Variants in TCEA3 observed in about 807,000 individuals in gnomAD.
The protein encoded by TCEA3 is transcription elongation factor A3, also known as transcription elongation factor A protein 3.
Under a neutral mutation model 44.0 loss-of-function variants are expected in TCEA3, and 36 were observed. The ratio of observed to expected loss-of-function variants is 0.82; its 90% CI spans 0.63 to 1.08. The LOEUF is 1.08. Among genes scored for constraint, TCEA3 ranks in the 50% least tolerant of loss-of-function variants. TCEA3 has a pLI of 0.00. For missense variants in TCEA3, 392 were observed against 441.2 expected (o/e 0.89, Z 1.00); for synonymous variants, 162 against 159.7 (o/e 1.01, Z -0.11).
At chr1:23,392,818 C>T (rs529635497) in intron 8 of TCEA3, among the ~76,000 whole-genome samples, 2 of 152,164 alleles carry the variant, frequency 1.3e-5, no homozygotes, top group South Asian at 4.2e-4. Context: ...ATCATATATA[C>T]CAGTGGTCCC....
In TCEA3 at chr1:23,407,161, T is replaced by C. The variant is rs1787651; in HGVS notation, c.443+1503A>G. Among the ~76,000 whole-genome samples, 119 of 152,318 alleles carry C rather than the reference T, an allele frequency of 7.8e-4. 1 individual carries two copies. The highest frequency in any genetic ancestry group is 2.7e-3 in the African/African-American group (114 of 41,578). On this transcript the variant is annotated intron_variant, in intron 5 of 10. Coordinates refer to ENST00000450454, the MANE Select transcript of TCEA3 (RefSeq NM_003196.3). The stretch of plus-strand genomic sequence containing the variant: ...GCTCAAGTGAAAAATCTTGGACTCA[T>C]CCCTGACTCCTCTGTTTCTCTCATT...
At chr1:23,420,609 G>A (rs1640033776) in intron 1 of TCEA3, among the ~76,000 whole-genome samples, 1 of 152,200 alleles carries the variant, frequency 6.6e-6, no homozygotes, top group Non-Finnish European at 1.5e-5. Context: ...GTTTGGGGCT[G>A]CTAGAAATAA....
Position 23,384,420 on chromosome 1 carries a change from G to T in TCEA3, c.967-3C>A, listed in dbSNP as rs775215191. The T allele has an allele frequency of 6.8e-6, 11 of 1,611,104 alleles. No individual in the cohort carries two copies. The highest frequency in any genetic ancestry group is 6.7e-5 in the East Asian group (3 of 44,828). ...TCATCAGCACTGCGTGTCTGCACCT[G>T]AGAGAGAGAAGAACCACTCATGAAG... On this transcript the variant is annotated splice_region_variant and splice_polypyrimidine_tract_variant and intron_variant, in intron 9 of 10. Coordinates refer to ENST00000450454, the MANE Select transcript of TCEA3 (RefSeq NM_003196.3).
intron 10 of TCEA3, 101 bp downstream of exon 10, chr1:23,384,245 C>G: frequency 6.3e-7 from 1 of 1,599,624 alleles, no homozygotes; most frequent in East Asian, 2.2e-5. Context: ...CTGGCAAGTG[C>G]TGCCATGCAC....
chr1:23,408,691 G>C lies in TCEA3; in HGVS notation c.416C>G (p.Ser139Cys), dbSNP rs957492135. The change falls in exon 5 of 11, where the codon TCC becomes TGC. Residue 139 changes from serine to cysteine, a missense_variant. By Grantham distance (112) the Ser-to-Cys change is moderately radical. Coordinates refer to ENST00000450454, the MANE Select transcript of TCEA3 (RefSeq NM_003196.3). ...DSVDSKSSAS[S>C]SPKRPSVERS... Reference sequence around the variant, plus strand: ...TTCCACCGATGGTCTTTTTGGAGAGGAGGAGGCAGAAGACTTGGAGTCCAC... The same window carrying C: ...TTCCACCGATGGTCTTTTTGGAGAGCAGGAGGCAGAAGACTTGGAGTCCAC... The C allele has an allele frequency of 6.2e-7, 1 of 1,611,774 alleles. No homozygotes were observed. The highest frequency in any genetic ancestry group is 1.7e-5 in the Admixed American group (1 of 59,726).
Position 23,417,317 on chromosome 1 carries a change from C to T in TCEA3, c.312G>A (p.Glu104=). Residue 104 remains glutamate (E), a synonymous_variant, in exon 4 of 11, where the codon GAG becomes GAA. Transcript: ENST00000450454. ...CTGCTTCTGGCTTCCAGTCTGAACA[C>T]TCAAGCCCTTTTTCCTTCTTCTTTG... The part of the protein sequence containing the change: ...EKAKKKEKGL[E]CSDWKPEAGL... 6.2e-7 allele frequency: 1 copy of T among 1,614,046 alleles called. No individual in the cohort carries two copies. Among genetic ancestry groups the T allele is most frequent in the Non-Finnish European group, 8.5e-7 (1 of 1,179,884 alleles).
At chr1:23,384,889 T>C (rs1472204302) in intron 9 of TCEA3, among the ~76,000 whole-genome samples, 1 of 152,050 alleles carries the variant, frequency 6.6e-6, no homozygotes, top group African/African-American at 2.4e-5. Context: ...CAGACCTCTC[T>C]TCTCTTGCCT....
At position 23,398,870 on chromosome 1, in the gene TCEA3, C is replaced by A. The variant is rs150325564; in HGVS notation, c.444-915G>T. Among the ~76,000 whole-genome samples the A allele has an allele frequency of 2.2e-4, 33 of 151,970 alleles. 1 individual carries two copies. The highest frequency in any genetic ancestry group is 7.2e-4 in the African/African-American group (30 of 41,478). ...ACAGCCTTGACCTCCTGGGCTCAGG[C>A]AATCCTCCCACCTTAGCCTCCAAGG... On this transcript the variant is annotated intron_variant, in intron 5 of 10. Coordinates refer to ENST00000450454, the MANE Select transcript of TCEA3 (RefSeq NM_003196.3).
chr1:23,397,990 TAA>T (rs751679524), intron 5 of TCEA3, 35 bp from the exon 6 acceptor site: 1 of 1,608,538 alleles, frequency 6.2e-7, no homozygotes, highest in African/African-American at 1.3e-5. Context: ...CATTTGACAT[TAA>T]GAGAGTAAAG....
chr1:23,399,176 A>ATATATC (rs1392964847), intron 5 of TCEA3, among the ~76,000 whole-genome samples: 1 of 141,918 alleles, frequency 7.0e-6, no homozygotes, highest in Admixed American at 7.1e-5. Context: ...ATATATATAT[A>ATATATC]TATCCATATG....
chr1:23,422,878 G>C (rs889459164), intron 1 of TCEA3, among the ~76,000 whole-genome samples: 1 of 152,162 alleles, frequency 6.6e-6, no homozygotes, highest in Admixed American at 6.5e-5. Flanking sequence ...GGCAGGTCCC[G>C]TCCTCTTCAG....
intron 8 of TCEA3, among the ~76,000 whole-genome samples, chr1:23,389,206 G>T (rs1455960602): frequency 6.6e-6 from 1 of 152,052 alleles, no homozygotes; most frequent in East Asian, 1.9e-4. Flanking sequence ...TATTGGATGT[G>T]GCCAGGTGCA....
At chr1:23,409,416 A>G (rs1408794040) in intron 4 of TCEA3, among the ~76,000 whole-genome samples, 1 of 152,126 alleles carries the variant, frequency 6.6e-6, no homozygotes, top group Non-Finnish European at 1.5e-5. Flanking sequence ...TATGATATAT[A>G]ATATAGTTAT....
In TCEA3 at chr1:23,399,144, G is replaced by GTATATATATATATATA. The variant is rs60424866; in HGVS notation, c.444-1205_444-1190dup. ...GTTTTGTTTATATATATGTATATAT[G>GTATATATATATATATA]TATATATATATATATATATATATAT... On this transcript the variant is annotated intron_variant, in intron 5 of 10. Coordinates refer to ENST00000450454, the MANE Select transcript of TCEA3 (RefSeq NM_003196.3). Among the ~76,000 whole-genome samples, 198 of 61,034 alleles carry GTATATATATATATATA rather than the reference G, an allele frequency of 3.2e-3. 4 individuals carry two copies. Among genetic ancestry groups the GTATATATATATATATA allele is most frequent in the Non-Finnish European group, 5.0e-3 (160 of 31,700 alleles). 40.0% of individuals were successfully genotyped at this position (61,034 alleles called of 152,430 possible). A position where few individuals can be genotyped will look rare whatever the true frequency, so the allele number is the denominator to read the frequency against.
intron 9 of TCEA3, among the ~76,000 whole-genome samples, chr1:23,384,662 CTT>C (rs11341961): frequency 3.6e-3 from 422 of 116,440 alleles, no homozygotes; most frequent in African/African-American, 0.011. Flanking sequence ...TGCACTTCCG[CTT>C]TTTTTTTTTT....
At chr1:23,404,557 A>G (rs1639488715) in intron 5 of TCEA3, among the ~76,000 whole-genome samples, 1 of 152,106 alleles carries the variant, frequency 6.6e-6, no homozygotes, top group Non-Finnish European at 1.5e-5. Flanking sequence ...AGAGGTGATG[A>G]GTTTCAACCT....
At position 23,397,835 on chromosome 1, in the gene TCEA3, C is replaced by T; in HGVS notation, c.564G>A (p.Arg188=). The part of the protein sequence containing the change: ...APCYLTGDSV[R]DKCVEMLSAA... ...CTGACAGCATCTCCACACACTTGTC[C>T]CGGACAGAGTCCCCTGTGAGATAGC... Residue 188 remains arginine, a synonymous_variant, in exon 6 of 11, where the codon CGG becomes CGA. Transcript: ENST00000450454. 6.2e-7 allele frequency: 1 copy of T among 1,613,940 alleles called. No homozygotes were observed. Among genetic ancestry groups the T allele is most frequent in the Non-Finnish European group, 8.5e-7 (1 of 1,179,900 alleles).
At chr1:23,418,539 T>C (rs1639962430) in intron 2 of TCEA3, among the ~76,000 whole-genome samples, 1 of 152,194 alleles carries the variant, frequency 6.6e-6, no homozygotes, top group East Asian at 1.9e-4. Context: ...CTCGAACTCC[T>C]GACCTCAGGT....
chr1:23,391,118 G>GTT (rs201792270), intron 8 of TCEA3, among the ~76,000 whole-genome samples: 17 of 138,704 alleles, frequency 1.2e-4, no homozygotes, highest in African/African-American at 4.2e-4. Flanking sequence ...AGATTTTTCT[G>GTT]TTTTTTTTTC....
Sources: allele counts gnomAD v4.1 joint callset (sites outside exome capture counted in the v4.1 genomes callset), GRCh38; gene constraint gnomAD v4.1.1; transcripts MANE v1.5; gene names NCBI Gene and HGNC (gene_info 2026-07-23, HGNC 2026-07-21).